SRBD1: variants seen among roughly 807,000 people sequenced by gnomAD.
SRBD1 encodes S1 RNA binding domain 1, also known as S1 RNA-binding domain-containing protein 1.
A neutral mutation model predicts 115.3 loss-of-function variants in SRBD1; 88 were observed. The observed-to-expected ratio is 0.76, with a 90% CI of 0.64 to 0.91. The LOEUF is 0.91. SRBD1 is among the 40% of genes least tolerant of loss of function. The pLI, the probability that SRBD1 is intolerant of heterozygous loss-of-function variation, is 0.00. For missense variants in SRBD1, 1,385 were observed against 1,177.4 expected (o/e 1.18, Z -2.58); for synonymous variants, 509 against 407.7 (o/e 1.25, Z -2.99).
intron 14 of SRBD1, among the ~76,000 whole-genome samples, chr2:45,525,982 T>C (rs1318671784): frequency 3.3e-5 from 5 of 152,042 alleles, no homozygotes; most frequent in Non-Finnish European, 7.4e-5. Context: ...TGGCAGGTTG[T>C]AGATAAATCA....
At position 45,530,343 on chromosome 2, in the gene SRBD1, A is replaced by G. The variant is rs984323388; in HGVS notation, c.1874+16389T>C. 2.6e-5 allele frequency among the ~76,000 whole-genome samples: 4 copies of G among 152,022 alleles called. No individual in the cohort carries two copies. In the East Asian group the frequency reaches 7.7e-4, roughly 29 times the overall value. On this transcript the variant is annotated intron_variant, in intron 14 of 20. Coordinates refer to ENST00000263736, the MANE Select transcript of SRBD1 (RefSeq NM_018079.5). ...AATTAATATATTTGAATGACAACAC[A>G]ACACTAAGGCCAATTCATGTGCTAT... is the stretch of plus-strand genomic sequence containing the variant.
At chr2:45,495,108 A>G (rs982532020) in intron 14 of SRBD1, among the ~76,000 whole-genome samples, 2 of 152,202 alleles carry the variant, frequency 1.3e-5, no homozygotes, top group African/African-American at 4.8e-5. Context: ...TCTTAGCTAC[A>G]GAGCAGTCTT....
At position 45,466,582 on chromosome 2, in the gene SRBD1, G is replaced by A. The variant is rs370437262; in HGVS notation, c.2049+10411C>T. On this transcript the variant is annotated intron_variant, in intron 16 of 20. Coordinates refer to ENST00000263736, the MANE Select transcript of SRBD1 (RefSeq NM_018079.5). ...ACCACTCCAGTGAAATTATTTTTAT[G>A]GTAATCATCAATATTTTAAATGAGT... 7.3e-4 allele frequency among the ~76,000 whole-genome samples: 111 copies of A among 152,094 alleles called. 1 individual carries two copies. The East Asian group carries it at 0.011, about 16-fold the overall frequency.
At chr2:45,482,800 G>A (rs115157607) in intron 15 of SRBD1, among the ~76,000 whole-genome samples, 14 of 151,944 alleles carry the variant, frequency 9.2e-5, no homozygotes, top group South Asian at 2.1e-4. Flanking sequence ...CAAAATCTGC[G>A]GATGCTCAAG....
At chr2:45,574,586 T>C (rs759144283) in intron 8 of SRBD1, 41 bp downstream of exon 8, 13 of 1,571,280 alleles carry the variant, frequency 8.3e-6, no homozygotes, top group South Asian at 1.1e-5. Flanking sequence ...CTTAACAGCA[T>C]GAGTCCATAA....
At chr2:45,562,621 A>G (rs371834077) in intron 10 of SRBD1, 32 bp downstream of exon 10, 142 of 1,503,212 alleles carry the variant, frequency 9.4e-5, no homozygotes, top group Admixed American at 4.9e-4. Flanking sequence ...GAAAAGAAAC[A>G]AAGAAAATTC....
In SRBD1 at chr2:45,511,690, T is replaced by C. The variant is rs558090663; in HGVS notation, c.1875-23359A>G. Among the ~76,000 whole-genome samples, 7 of 152,348 alleles carry C rather than the reference T, an allele frequency of 4.6e-5. No homozygotes were observed. In the East Asian group the frequency reaches 1.3e-3, roughly 29 times the overall value. Reference sequence around the variant, plus strand: ...AAAAATTCAATGGTATATATTCCCATGCATATATTCCTTCTGCACTTTTCA... The same window carrying C: ...AAAAATTCAATGGTATATATTCCCACGCATATATTCCTTCTGCACTTTTCA... On this transcript the variant is annotated intron_variant, in intron 14 of 20. Coordinates refer to ENST00000263736, the MANE Select transcript of SRBD1 (RefSeq NM_018079.5).
At chr2:45,573,183 T>C (rs371103753) in intron 9 of SRBD1, 24 bp downstream of exon 9, 5 of 1,565,992 alleles carry the variant, frequency 3.2e-6, no homozygotes, top group Non-Finnish European at 4.3e-6. Flanking sequence ...GAAATCAGCA[T>C]GCACATGCAG....
intron 11 of SRBD1, among the ~76,000 whole-genome samples, 194 bp from the exon 12 acceptor site, chr2:45,551,476 C>T (rs988357087): frequency 2.0e-5 from 3 of 152,164 alleles, no homozygotes; most frequent in Non-Finnish European, 4.4e-5. Context: ...ACAAGCAATT[C>T]TGAAGCAAGT....
chr2:45,611,166 G>A (rs2104281537), intron 1 of SRBD1, 53 bp downstream of exon 1: 1 of 152,284 alleles, frequency 6.6e-6, no homozygotes, highest in East Asian at 1.9e-4. Context: ...GAGCCCGGAC[G>A]CCGGGCTCTT....
Position 45,491,763 on chromosome 2 carries a change from C to T in SRBD1, c.1875-3432G>A, listed in dbSNP as rs549387499. Among the ~76,000 whole-genome samples, 28 of 152,280 alleles carry T rather than the reference C, an allele frequency of 1.8e-4. 1 individual carries two copies. Among genetic ancestry groups the T allele is most frequent in the Admixed American group, 1.6e-3 (25 of 15,296 alleles). Reference sequence around the variant, plus strand: ...GCAAGTAAAGTACCTACAATATCAACGCATTCACTTTCAAATTTTTTAACA... The same window carrying T: ...GCAAGTAAAGTACCTACAATATCAATGCATTCACTTTCAAATTTTTTAACA... On this transcript the variant is annotated intron_variant, in intron 14 of 20. Transcript: ENST00000263736.
At chr2:45,491,764 G>T (rs1011614985) in intron 14 of SRBD1, among the ~76,000 whole-genome samples, 1 of 152,020 alleles carries the variant, frequency 6.6e-6, no homozygotes, top group East Asian at 1.9e-4. Context: ...CAATATCAAC[G>T]CATTCACTTT....
intron 11 of SRBD1, among the ~76,000 whole-genome samples, chr2:45,552,091 A>G (rs562715374): frequency 2.0e-5 from 3 of 152,332 alleles, no homozygotes; most frequent in African/African-American, 7.2e-5. Flanking sequence ...GATGACAGAG[A>G]TAGATGTGAA....
Position 45,546,800 on chromosome 2 carries a change from C to T in SRBD1, c.1806G>A (p.Arg602=). The change falls in exon 14 of 21, where the codon AGG becomes AGA. Residue 602 remains arginine, a synonymous_variant. Coordinates refer to ENST00000263736, the MANE Select transcript of SRBD1 (RefSeq NM_018079.5). ...TVVIGNGTAC[R]ETEAYFADLI... ...GGTCAGCAAAGTAAGCTTCTGTTTC[C>T]CTGCAGGCAGTTCCATTTCCAATCA... is the stretch of plus-strand genomic sequence containing the variant. 1 of 1,614,068 alleles carries T rather than the reference C, an allele frequency of 6.2e-7. No individual in the cohort carries two copies. Among genetic ancestry groups the T allele is most frequent in the Non-Finnish European group, 8.5e-7 (1 of 1,179,988 alleles).
At chr2:45,549,959 A>C (rs1672245572) in intron 12 of SRBD1, among the ~76,000 whole-genome samples, 1 of 152,156 alleles carries the variant, frequency 6.6e-6, no homozygotes, top group Non-Finnish European at 1.5e-5. Context: ...AGATGAAAGA[A>C]AAAATTATTT....
intron 19 of SRBD1, among the ~76,000 whole-genome samples, chr2:45,393,492 TGCCTCA>T (rs921091870): frequency 3.3e-5 from 5 of 152,190 alleles, no homozygotes; most frequent in African/African-American, 1.2e-4. Flanking sequence ...GCCATTCTCC[TGCCTCA>T]GCCTCCCGAG....
chr2:45,440,557 G>C (rs1040746746), intron 16 of SRBD1, among the ~76,000 whole-genome samples: 3 of 152,166 alleles, frequency 2.0e-5, no homozygotes, highest in Non-Finnish European at 4.4e-5. Context: ...TCTGGCTCAT[G>C]ACATATGCAT....
intron 1 of SRBD1, among the ~76,000 whole-genome samples, chr2:45,610,372 G>A (rs1007656579): frequency 6.6e-6 from 1 of 152,248 alleles, no homozygotes; most frequent in Non-Finnish European, 1.5e-5. Context: ...CAGAGTGCTT[G>A]AATGTTAGCA....
At chr2:45,588,652 C>G (rs939192527) in intron 4 of SRBD1, among the ~76,000 whole-genome samples, 2 of 152,188 alleles carry the variant, frequency 1.3e-5, no homozygotes, top group African/African-American at 4.8e-5. Context: ...AAGGAACCAG[C>G]TGTTTTCAGA....
Sources: allele counts gnomAD v4.1 joint callset (sites outside exome capture counted in the v4.1 genomes callset), GRCh38; gene constraint gnomAD v4.1.1; transcripts MANE v1.5; gene names NCBI Gene and HGNC (gene_info 2026-07-23, HGNC 2026-07-21).